Variants in HDAC4 observed in about 807,000 individuals in gnomAD.
HDAC4 encodes the protein histone deacetylase 4, also known as histone deacetylase A.
In HDAC4, 16 loss-of-function variants were observed where a neutral mutation model predicts 135.1. The ratio of observed to expected loss-of-function variants is 0.12; its 90% CI spans 0.08 to 0.18. The LOEUF (loss-of-function observed/expected upper bound fraction) is 0.18. Ranked by LOEUF, HDAC4 falls within the 10% of genes least tolerant of loss-of-function variation. The pLI is 1.00. For synonymous variants in HDAC4, 685 were observed against 653.4 expected (o/e 1.05, Z -0.74); for missense variants, 1,143 against 1,511.8 (o/e 0.76, Z 4.05).
chr2:239,316,479 G>A (rs1219455748), intron 2 of HDAC4, among the ~76,000 whole-genome samples: 4 of 152,154 alleles, frequency 2.6e-5, no homozygotes, highest in Non-Finnish European at 4.4e-5. Context: ...ATGGTAGCAC[G>A]GGCCTGTAGT....
Position 239,054,786 on chromosome 2 carries a change from G to T in HDAC4, c.3051C>A (p.Asn1017Lys), listed in dbSNP as rs545627748. Residue 1017 changes from asparagine (N) to lysine (K), a missense_variant, in exon 25 of 27, where the codon AAC becomes AAA. Asn to Lys is a moderately conservative substitution (Grantham distance 94). This residue lies in a region of HDAC4 where 131 missense variants were observed against 130.6 expected (regional missense o/e 1.00). Transcript: ENST00000543185. ...EKVLQQRPNA[N>K]AVRSMEKVME... ...TGACTTTCTCCATGGAACGGACAGC[G>T]TTTGCATTGGGTCTTTGCTGTAAAA... 2.5e-6 allele frequency: 4 copies of T among 1,613,564 alleles called. No individual in the cohort carries two copies. The South Asian group carries it at 4.4e-5, about 18-fold the overall frequency.
At chr2:239,190,957 T>A (rs764637745) in intron 3 of HDAC4, 1 of 465,808 alleles carries the variant, frequency 2.1e-6, no homozygotes, top group Non-Finnish European at 4.4e-6. Flanking sequence ...TCTGAAAGCA[T>A]GCAGTGTGTG....
At chr2:239,064,651 T>C (rs1574877326) in intron 24 of HDAC4, among the ~76,000 whole-genome samples, 1 of 152,070 alleles carries the variant, frequency 6.6e-6, no homozygotes, top group Admixed American at 6.5e-5. Flanking sequence ...TAGCAGCGAG[T>C]TACCAACCGT....
In HDAC4 at chr2:239,313,488, C is replaced by G. The variant is rs1015150992; in HGVS notation, c.22+39190G>C. ...CTGGCCATCCCACCGAGCACTGATA[C>G]CGCAGGCTGGACTCTTCCTAACCTC... On this transcript the variant is annotated intron_variant, in intron 2 of 26. Coordinates refer to ENST00000543185, the MANE Select transcript of HDAC4 (RefSeq NM_001378414.1). This position sits in a 1 kb window ranked among gnomAD's most constrained non-coding sequence, Gnocchi z 5.1. Among the ~76,000 whole-genome samples the G allele has an allele frequency of 2.0e-5, 3 of 152,250 alleles. No homozygotes were observed. The South Asian group carries it at 6.2e-4, about 32-fold the overall frequency.
At chr2:239,268,931 T>G (rs890111609) in intron 2 of HDAC4, among the ~76,000 whole-genome samples, 5 of 152,186 alleles carry the variant, frequency 3.3e-5, no homozygotes, top group African/African-American at 1.2e-4. Flanking sequence ...GGAATTGAGC[T>G]GGCTTTTAAA....
At chr2:239,077,415 G>A (rs539123422) in intron 22 of HDAC4, among the ~76,000 whole-genome samples, 4 of 152,366 alleles carry the variant, frequency 2.6e-5, no homozygotes, top group African/African-American at 7.2e-5. Flanking sequence ...CCTGCCTAGA[G>A]CTTGTCCTCC....
chr2:239,305,042 G>A (rs1328436377), intron 2 of HDAC4, among the ~76,000 whole-genome samples: 3 of 152,196 alleles, frequency 2.0e-5, no homozygotes, highest in African/African-American at 2.4e-5. Flanking sequence ...GGCAGGGCCT[G>A]TACTGCAGGC....
chr2:239,140,243 T>C lies in HDAC4; in HGVS notation c.866-447A>G, dbSNP rs766184857. Reference sequence around the variant, plus strand: ...TTCACTCTGAGCTGAATCCTCTCATTTTCCCTACATAGCAGCAAGCATCCA... The same window carrying C: ...TTCACTCTGAGCTGAATCCTCTCATCTTCCCTACATAGCAGCAAGCATCCA... On this transcript the variant is annotated intron_variant, in intron 8 of 26. Transcript: ENST00000543185. Among the ~76,000 whole-genome samples, 5 of 152,178 alleles carry C rather than the reference T, an allele frequency of 3.3e-5. 1 individual carries two copies. The highest frequency in any genetic ancestry group is 1.3e-4 in the Admixed American group (2 of 15,278).
chr2:239,068,544 G>A lies in HDAC4; in HGVS notation c.2814C>T (p.Phe938=), dbSNP rs200904817. 4.0e-5 allele frequency: 64 copies of A among 1,613,932 alleles called. No individual in the cohort carries two copies. The South Asian group carries it at 4.1e-4, about 10-fold the overall frequency. Residue 938 remains phenylalanine (F), a synonymous_variant, in exon 23 of 27, where the codon TTC becomes TTT. Coordinates refer to ENST00000543185, the MANE Select transcript of HDAC4 (RefSeq NM_001378414.1). The surrounding 1 kb of genome is among the most constrained non-coding windows in gnomAD (Gnocchi z 4.4). The stretch of plus-strand genomic sequence containing the variant: ...GGGTGGGGTGGCCCTCCACGGCATC[G>A]AAGCCTGATGACACCAGCACCACAT... ...APDVVLVSSG[F]DAVEGHPTPL...
At chr2:239,072,286 C>T (rs1356445888) in intron 22 of HDAC4, among the ~76,000 whole-genome samples, 1 of 152,212 alleles carries the variant, frequency 6.6e-6, no homozygotes, top group Non-Finnish European at 1.5e-5. Flanking sequence ...GAAACCCATG[C>T]AGTTTTTTTC....
chr2:239,051,429 AT>A lies in HDAC4; in HGVS notation c.*1667del, dbSNP rs1425814461. 2 of 152,492 alleles carry A rather than the reference AT, an allele frequency of 1.3e-5. No homozygotes were observed. The highest frequency in any genetic ancestry group is 2.1e-4 in the South Asian group (1 of 4,830). The allele number at this position is 152,492 out of a possible 1,614,324, so 9.4% of individuals were successfully genotyped here. A position where few individuals can be genotyped will look rare whatever the true frequency, so the allele number is the denominator to read the frequency against. The stretch of plus-strand genomic sequence containing the variant: ...AAAAACCTTTGAAAGGTAAAAAAAA[AT>A]GTACAAGCAAGAATTCAGAAAGGAA... On this transcript the variant is annotated 3_prime_UTR_variant, in exon 27 of 27. Transcript: ENST00000543185.
At chr2:239,142,539 T>C (rs913823862) in intron 8 of HDAC4, among the ~76,000 whole-genome samples, 1 of 152,242 alleles carries the variant, frequency 6.6e-6, no homozygotes, top group Non-Finnish European at 1.5e-5. Context: ...TAGAGTGGCT[T>C]GTGCTGATCT....
At chr2:239,379,703 C>T (rs964745978) in intron 1 of HDAC4, among the ~76,000 whole-genome samples, 2 of 152,212 alleles carry the variant, frequency 1.3e-5, no homozygotes, top group Admixed American at 6.5e-5. Flanking sequence ...CCCCAAGGAG[C>T]CCCAGGGTGG....
rs1253806537 is a variant in HDAC4, at chr2:239,306,311, T to C, written c.22+46367A>G. Among the ~76,000 whole-genome samples, 2 of 151,952 alleles carry C rather than the reference T, an allele frequency of 1.3e-5. No homozygotes were observed. Among genetic ancestry groups the C allele is most frequent in the African/African-American group, 4.8e-5 (2 of 41,346 alleles). On this transcript the variant is annotated intron_variant, in intron 2 of 26. Transcript: ENST00000543185. This position sits in a 1 kb window ranked among gnomAD's most constrained non-coding sequence, Gnocchi z 4.5. The stretch of plus-strand genomic sequence containing the variant: ...AGGAGCTCCCTGGCCCATCCACAGG[T>C]GGGTGAGCTCCCACCCAGGTCCAGC...
At chr2:239,062,053 C>T (rs143193332) in intron 24 of HDAC4, among the ~76,000 whole-genome samples, 1,538 of 152,322 alleles carry the variant, frequency 0.01, 26 homozygotes, top group Admixed American at 0.031. Flanking sequence ...AGGCCCGACT[C>T]GGTGCTGCGC....
intron 2 of HDAC4, among the ~76,000 whole-genome samples, chr2:239,239,426 C>T (rs545547500): frequency 6.6e-6 from 1 of 152,320 alleles, no homozygotes; most frequent in African/African-American, 2.4e-5. Context: ...TGCGGCTGAA[C>T]ATGCTGCTCC....
At chr2:239,246,141 T>C (rs2048444638) in intron 2 of HDAC4, among the ~76,000 whole-genome samples, 1 of 152,082 alleles carries the variant, frequency 6.6e-6, no homozygotes, top group Non-Finnish European at 1.5e-5. Flanking sequence ...AGTCGGGTGA[T>C]AGGGACAAAA....
chr2:239,101,953 AG>A (rs1407505571), intron 16 of HDAC4, among the ~76,000 whole-genome samples: 6 of 79,320 alleles, frequency 7.6e-5, no homozygotes, highest in Admixed American at 2.5e-4. Flanking sequence ...CTCCCCGCCC[AG>A]GGTCTGGGTT....
chr2:239,395,258 G>C (rs1333817786), intron 1 of HDAC4, among the ~76,000 whole-genome samples: 2 of 152,198 alleles, frequency 1.3e-5, no homozygotes, highest in Admixed American at 1.3e-4. Flanking sequence ...AGGGCCCTGA[G>C]ACCTTAGGAT....
Sources: allele counts gnomAD v4.1 joint callset (sites outside exome capture counted in the v4.1 genomes callset), GRCh38; gene constraint gnomAD v4.1.1; regional missense constraint gnomAD v4.1.1; non-coding constraint Gnocchi (gnomAD v3.1); transcripts MANE v1.5; gene names NCBI Gene and HGNC (gene_info 2026-07-23, HGNC 2026-07-21).